DENND3: variants seen among roughly 807,000 people sequenced by gnomAD.
DENND3 encodes DENN domain containing 3.
Under a neutral mutation model 135.1 loss-of-function variants are expected in DENND3, and 88 were observed. The ratio of observed to expected loss-of-function variants is 0.65; its 90% confidence interval spans 0.55 to 0.78. The LOEUF is 0.78. DENND3 is among the 30% of genes least tolerant of loss of function. The pLI, the probability that DENND3 is intolerant of heterozygous loss-of-function variation, is 0.00. For synonymous variants in DENND3, 693 were observed against 712.3 expected, an observed-to-expected ratio of 0.97 and a Z score of 0.43; for missense variants, 1,392 against 1,688.4, an observed-to-expected ratio of 0.82 and a Z score of 3.08.
intron 8 of DENND3, among the ~76,000 whole-genome samples, chr8:141,159,888 C>A (rs1819915598): frequency 6.6e-6 from 1 of 152,166 alleles, no homozygotes; most frequent in Non-Finnish European, 1.5e-5. Flanking sequence ...AGTGGTGACA[C>A]CCGGGACGTT....
At chr8:141,172,192 G>A (rs1242234484) in intron 13 of DENND3, among the ~76,000 whole-genome samples, 2 of 150,432 alleles carry the variant, frequency 1.3e-5, no homozygotes, top group Admixed American at 1.3e-4. Flanking sequence ...GTACACTGTG[G>A]TAGGTGTGCA....
intron 5 of DENND3, 100 bp from the exon 6 acceptor site, chr8:141,150,731 TTTC>T (rs1569555639): frequency 1.2e-5 from 17 of 1,412,850 alleles, no homozygotes; most frequent in Non-Finnish European, 1.4e-5. Flanking sequence ...TCAGAAATGT[TTTC>T]TAACTCTGAT....
In DENND3 at chr8:141,154,239, C is replaced by CCGGGGCTGTTGA. The variant is rs1472269169; in HGVS notation, c.1075-1609_1075-1598dup. Among the ~76,000 whole-genome samples the CCGGGGCTGTTGA allele has an allele frequency of 6.6e-6, 1 of 152,218 alleles. No homozygotes were observed. Among genetic ancestry groups the CCGGGGCTGTTGA allele is most frequent in the Non-Finnish European group, 1.5e-5 (1 of 68,042 alleles). On this transcript the variant is annotated intron_variant, in intron 7 of 22. Transcript: ENST00000519811. This position sits in a 1 kb window ranked among gnomAD's most constrained non-coding sequence, Gnocchi z 4.4. ...TTCCCCAGGAACCTGGCATTGCATT[C>CCGGGGCTGTTGA]CGGGGCTGTTGAAGTGCAGGGCTCG...
intron 16 of DENND3, among the ~76,000 whole-genome samples, chr8:141,178,482 A>G (rs1406974555): frequency 6.6e-6 from 1 of 152,240 alleles, no homozygotes; most frequent in Non-Finnish European, 1.5e-5. Context: ...GTGATTCGTA[A>G]TTACAAACAA....
At chr8:141,178,334 C>T in intron 16 of DENND3, 138 bp downstream of exon 16, 1 of 1,284,556 alleles carries the variant, frequency 7.8e-7, no homozygotes, top group Non-Finnish European at 1.0e-6. Flanking sequence ...GTAATTTACT[C>T]TCGAGTCGCA....
At chr8:141,184,483 A>T (rs1368913233) in intron 17 of DENND3, 2 of 152,246 alleles carry the variant, frequency 1.3e-5, no homozygotes, top group African/African-American at 2.4e-5. Flanking sequence ...AAAAAGTAAA[A>T]AAAAATAAAA....
intron 16 of DENND3, among the ~76,000 whole-genome samples, chr8:141,179,951 G>A (rs1822875019): frequency 6.6e-6 from 1 of 152,178 alleles, no homozygotes. Context: ...AGGAGGGACC[G>A]CAGAACAGGC....
chr8:141,128,776 CG>C lies in DENND3; in HGVS notation c.70del (p.Ala24ProfsTer61). 1 of 1,469,296 alleles carries C rather than the reference CG, an allele frequency of 6.8e-7. No homozygotes were observed. The highest frequency in any genetic ancestry group is 9.0e-7 in the Non-Finnish European group (1 of 1,113,300). The allele number at this position is 1,469,296 out of a possible 1,614,324, so 91.0% of individuals were successfully genotyped here. A position where few individuals can be genotyped will look rare whatever the true frequency, so the allele number is the denominator to read the frequency against. ...TGCTGGAGCTCTGCGCGCTGCTGGG[CG>C]CCCCCCGGGACAGTCTCCGAAGTCT... ...GLLELCALLGAPRDSLRSLEQ... is the reference protein window; with the variant it reads ...GLLELCALLGXPRDSLRSLEQ... On this transcript the variant is annotated frameshift_variant, in exon 1 of 23. Transcript: ENST00000519811. LOFTEE classifies it high-confidence loss of function. The surrounding 1 kb of genome is among the most constrained non-coding windows in gnomAD (Gnocchi z 4.5).
chr8:141,176,266 T>C, intron 14 of DENND3: 1 of 124,860 alleles, frequency 8.0e-6, no homozygotes, highest in Non-Finnish European at 1.4e-5. Flanking sequence ...GAGATGGAAG[T>C]AAAAAAAAAC....
In DENND3 at chr8:141,189,033, A is replaced by C. The variant is rs780237538; in HGVS notation, c.3132A>C (p.Glu1044Asp). 8 of 1,614,070 alleles carry C rather than the reference A, an allele frequency of 5.0e-6. No individual in the cohort carries two copies. The South Asian group carries it at 7.7e-5, about 16-fold the overall frequency. The change falls in exon 19 of 23, where the codon GAA (glutamate) becomes GAC (aspartate). Residue 1044 changes from glutamate (E) to aspartate (D), a missense_variant. By Grantham distance (45) the Glu-to-Asp change is conservative. Coordinates refer to ENST00000519811, the MANE Select transcript of DENND3 (RefSeq NM_001352890.3). ...ADQNQVWVGS[E>D]DSVIYIINVH... is the part of the protein sequence containing the mutation. ...AGAACCAGGTGTGGGTTGGCTCGGAAGACTCCGTCATCTACATCATCAACG... is the reference window on the plus strand; with the variant it reads ...AGAACCAGGTGTGGGTTGGCTCGGACGACTCCGTCATCTACATCATCAACG...
chr8:141,151,498 C>T (rs1222542503), intron 6 of DENND3, 121 bp from the exon 7 acceptor site: 2 of 885,504 alleles, frequency 2.3e-6, no homozygotes, highest in African/African-American at 1.7e-5. Flanking sequence ...GAGTTCGAGG[C>T]TGCAGTGAGC....
intron 8 of DENND3, chr8:141,157,696 A>G: frequency 1.0e-6 from 1 of 984,278 alleles, no homozygotes; most frequent in Non-Finnish European, 1.2e-6. Flanking sequence ...TCTGACTCTT[A>G]CCTTGGTGTG....
In DENND3 at chr8:141,166,264, A is replaced by C; in HGVS notation, c.1628A>C (p.His543Pro). The C allele has an allele frequency of 6.2e-7, 1 of 1,614,130 alleles. No individual in the cohort carries two copies. The highest frequency in any genetic ancestry group is 8.5e-7 in the Non-Finnish European group (1 of 1,180,040). Residue 543 changes from histidine (H) to proline (P), a missense_variant, in exon 12 of 23, where the codon CAT becomes CCT. By Grantham distance (77) the His-to-Pro change is moderately conservative. Coordinates refer to ENST00000519811, the MANE Select transcript of DENND3 (RefSeq NM_001352890.3). The surrounding 1 kb of genome is among the most constrained non-coding windows in gnomAD (Gnocchi z 4.3). ...GCCTCCCGGAAGTCCTCGCACCTGCATGTCACCCACAGGCGCATGGTGGTC... is the reference window on the plus strand; with the variant it reads ...GCCTCCCGGAAGTCCTCGCACCTGCCTGTCACCCACAGGCGCATGGTGGTC... The part of the protein sequence containing the change: ...KRASRKSSHL[H>P]VTHRRMVVSM...
chr8:141,160,878 G>T, intron 9 of DENND3, 91 bp downstream of exon 9: 1 of 1,495,762 alleles, frequency 6.7e-7, no homozygotes, highest in Non-Finnish European at 9.1e-7. Flanking sequence ...CAGAGGGCAG[G>T]CCATTAGTAC....
rs1334572746 is a variant in DENND3 at position 141,176,701 on chromosome 8, C to A, written c.2646C>A (p.Asp882Glu). The A allele has an allele frequency of 6.2e-7, 1 of 1,614,210 alleles. No individual in the cohort carries two copies. Among genetic ancestry groups the A allele is most frequent in the South Asian group, 1.1e-5 (1 of 91,082 alleles). ...VFEANLKTEC[D>E]LWHLMVKEMW... The stretch of plus-strand genomic sequence containing the variant: ...AAGCCAACCTGAAAACCGAGTGTGA[C>A]CTTTGGCACCTGATGGTGAAGGAGA... The change falls in exon 15 of 23, where the codon GAC becomes GAA. Residue 882 changes from aspartate to glutamate, a missense_variant. Physicochemically the swap from Asp to Glu is conservative, Grantham distance 45 (BLOSUM62 2). Coordinates refer to ENST00000519811, the MANE Select transcript of DENND3 (RefSeq NM_001352890.3).
chr8:141,140,153 C>T (rs1005328260), intron 3 of DENND3, among the ~76,000 whole-genome samples: 1 of 152,162 alleles, frequency 6.6e-6, no homozygotes, highest in African/African-American at 2.4e-5. Context: ...AATCCTGCCT[C>T]AGCCTCCAAA....
chr8:141,166,226 C>T lies in DENND3; in HGVS notation c.1590C>T (p.Thr530=), dbSNP rs767941847. 27 of 1,614,062 alleles carry T rather than the reference C, an allele frequency of 1.7e-5. No homozygotes were observed. In the African/African-American group the frequency reaches 2.5e-4, roughly 15 times the overall value. Residue 530 remains threonine, a synonymous_variant, in exon 12 of 23, where the codon ACC becomes ACT. Transcript: ENST00000519811. The surrounding 1 kb of genome is among the most constrained non-coding windows in gnomAD (Gnocchi z 4.3). ...TGCTTCTAAGTCCAAGGAGACCGAC[C>T]GTTGAGAAAAGAGCCTCCCGGAAGT... is the stretch of plus-strand genomic sequence containing the variant. The part of the protein sequence containing the change: ...NGMLLSPRRP[T]VEKRASRKSS...
rs182337997 is a variant in DENND3 at position 141,193,651 on chromosome 8, T to C, written c.3637-382T>C. 4.5e-3 allele frequency: 892 copies of C among 197,144 alleles called. 8 individuals are homozygous for C. The highest frequency in any genetic ancestry group is 0.019 in the African/African-American group (840 of 43,608). The allele number at this position is 197,144 out of a possible 1,614,324, so 12.2% of individuals were successfully genotyped here. On this transcript the variant is annotated intron_variant, in intron 22 of 22. Coordinates refer to ENST00000519811, the MANE Select transcript of DENND3 (RefSeq NM_001352890.3). ...CCCCCATAACTTAATTGGGGTATAA[T>C]TGATGAATAAAAATTATATATATCT...
intron 13 of DENND3, among the ~76,000 whole-genome samples, chr8:141,173,964 C>T (rs1821992999): frequency 6.6e-6 from 1 of 152,206 alleles, no homozygotes; most frequent in Non-Finnish European, 1.5e-5. Context: ...TTGCTGGATA[C>T]AGCAGTGCCA....
Sources: allele counts gnomAD v4.1 joint callset (sites outside exome capture counted in the v4.1 genomes callset), GRCh38; gene constraint gnomAD v4.1.1; non-coding constraint Gnocchi (gnomAD v3.1); transcripts MANE v1.5; gene names NCBI Gene and HGNC (gene_info 2026-07-23, HGNC 2026-07-21).